The following RPTOR variants were observed in gnomAD, a reference collection of about 807,000 sequenced individuals.
RPTOR encodes the protein regulatory associated protein of MTOR complex 1, also known as regulatory-associated protein of mTOR.
In RPTOR, 21 loss-of-function variants were observed where a neutral mutation model predicts 169.9. The observed-to-expected ratio is 0.12, with a 90% CI of 0.09 to 0.18. The LOEUF (loss-of-function observed/expected upper bound fraction) is 0.18. RPTOR is among the 10% of genes least tolerant of loss of function. The probability of loss-of-function intolerance (pLI) is 1.00; values close to 1 mark genes in which losing one functional copy is unlikely to be tolerated. For synonymous variants in RPTOR, 732 were observed against 753.2 expected (o/e 0.97, Z 0.46); for missense variants, 1,133 against 1,855.9 (o/e 0.61, Z 7.16).
chr17:80,631,525 A>C (rs2065442286), intron 2 of RPTOR, among the ~76,000 whole-genome samples: 1 of 152,004 alleles, frequency 6.6e-6, no homozygotes, highest in Admixed American at 6.5e-5. Flanking sequence ...TTTCTCGGAG[A>C]GGACGGGCCT....
At chr17:80,751,697 A>G (rs961933725) in intron 5 of RPTOR, among the ~76,000 whole-genome samples, 2 of 152,234 alleles carry the variant, frequency 1.3e-5, no homozygotes, top group Non-Finnish European at 2.9e-5. Flanking sequence ...GGCCTGCCAC[A>G]GTCTGAGTAA....
intron 1 of RPTOR, among the ~76,000 whole-genome samples, chr17:80,591,755 G>A (rs1239122410): frequency 6.6e-6 from 1 of 152,204 alleles, no homozygotes; most frequent in Admixed American, 6.5e-5. Flanking sequence ...ATAAAGCACA[G>A]AAGTGTGTGC....
intron 1 of RPTOR, among the ~76,000 whole-genome samples, chr17:80,555,535 C>T (rs1195620627): frequency 2.0e-5 from 3 of 152,170 alleles, no homozygotes; most frequent in African/African-American, 7.2e-5. Flanking sequence ...GGACAGCTCA[C>T]GGGAAGTGTC....
At chr17:80,864,094 G>C (rs757113255) in intron 13 of RPTOR, among the ~76,000 whole-genome samples, 1 of 152,208 alleles carries the variant, frequency 6.6e-6, no homozygotes, top group Non-Finnish European at 1.5e-5. Flanking sequence ...AGAAACAATA[G>C]CTAACATTTT....
intron 1 of RPTOR, among the ~76,000 whole-genome samples, chr17:80,578,477 C>T (rs939342994): frequency 6.6e-6 from 1 of 152,164 alleles, no homozygotes; most frequent in Non-Finnish European, 1.5e-5. Flanking sequence ...GGCTGCTTTC[C>T]GTGGGCTCTG....
At chr17:80,882,221 G>A (rs2068193457) in intron 14 of RPTOR, among the ~76,000 whole-genome samples, 1 of 152,244 alleles carries the variant, frequency 6.6e-6, no homozygotes, top group Non-Finnish European at 1.5e-5. Flanking sequence ...AGAATGAGAG[G>A]AGAATAAGTA....
At position 80,646,088 on chromosome 17, in the gene RPTOR, G is replaced by A. The variant is rs1454987216; in HGVS notation, c.348+2278G>A. Among the ~76,000 whole-genome samples, 1 of 152,190 alleles carries A rather than the reference G, an allele frequency of 6.6e-6. No homozygotes were observed. The highest frequency in any genetic ancestry group is 2.1e-4 in the South Asian group (1 of 4,832). The stretch of plus-strand genomic sequence containing the variant: ...GGGCTGGTTTATAAAGTGGAATCTG[G>A]AATAAAGTATCCGCTGCAGCCTAGA... On this transcript the variant is annotated intron_variant, in intron 3 of 33. Transcript: ENST00000306801. This position sits in a 1 kb window ranked among gnomAD's most constrained non-coding sequence, Gnocchi z 5.0.
intron 10 of RPTOR, 120 bp from the exon 11 acceptor site, chr17:80,846,353 G>A (rs888337821): frequency 1.4e-5 from 13 of 932,160 alleles, no homozygotes; most frequent in African/African-American, 6.5e-5. Context: ...TGGCATCCTC[G>A]CGGCCCTGCA....
chr17:80,911,989 T>C (rs2068618440), intron 21 of RPTOR, among the ~76,000 whole-genome samples: 1 of 152,104 alleles, frequency 6.6e-6, no homozygotes, highest in South Asian at 2.1e-4. Flanking sequence ...CTCTGGAGGA[T>C]TGGGACTGAA....
At chr17:80,772,836 A>G (rs1002021610) in intron 6 of RPTOR, among the ~76,000 whole-genome samples, 5 of 152,128 alleles carry the variant, frequency 3.3e-5, no homozygotes, top group Non-Finnish European at 7.4e-5. Flanking sequence ...TAGTTCCATT[A>G]TCCTCATCGT....
chr17:80,801,763 T>G (rs2067160279), intron 7 of RPTOR: 2 of 152,144 alleles, frequency 1.3e-5, no homozygotes. Flanking sequence ...TAGACGCTGA[T>G]TTAGAAATGA....
intron 3 of RPTOR, among the ~76,000 whole-genome samples, chr17:80,688,675 A>G (rs905375583): frequency 6.6e-6 from 1 of 152,222 alleles, no homozygotes; most frequent in African/African-American, 2.4e-5. Context: ...CTCCGGTGCT[A>G]TGCGGGCTGG....
At chr17:80,942,081 C>T (rs528514280) in intron 25 of RPTOR, 49 of 152,284 alleles carry the variant, frequency 3.2e-4, no homozygotes, top group Middle Eastern at 3.4e-3. Flanking sequence ...CGGCGGCCGC[C>T]GCTGAACCTT....
At chr17:80,605,816 G>A (rs368637945) in intron 1 of RPTOR, among the ~76,000 whole-genome samples, 1 of 152,206 alleles carries the variant, frequency 6.6e-6, no homozygotes, top group South Asian at 2.1e-4. Flanking sequence ...CGGACTAGCT[G>A]TGCAGTAAGA....
chr17:80,773,676 C>T (rs193131692), intron 6 of RPTOR: 1 of 507,976 alleles, frequency 2.0e-6, no homozygotes, highest in African/African-American at 2.1e-5. Context: ...TGGCTGGCTC[C>T]TAGATGTTAT....
chr17:80,732,546 A>T (rs535585995), intron 5 of RPTOR, among the ~76,000 whole-genome samples: 1 of 152,256 alleles, frequency 6.6e-6, no homozygotes, highest in Non-Finnish European at 1.5e-5. Context: ...GAAAGAGATC[A>T]GATGAAAAAT....
rs944885451 is a variant in RPTOR at position 80,803,965 on chromosome 17, T to A, written c.890+12456T>A. Among the ~76,000 whole-genome samples the A allele has an allele frequency of 2.0e-5, 3 of 152,194 alleles. No individual in the cohort carries two copies. The highest frequency in any genetic ancestry group is 7.2e-5 in the African/African-American group (3 of 41,444). On this transcript the variant is annotated intron_variant, in intron 7 of 33. Coordinates refer to ENST00000306801, the MANE Select transcript of RPTOR (RefSeq NM_020761.3). This position sits in a 1 kb window ranked among gnomAD's most constrained non-coding sequence, Gnocchi z 6.2. ...CACAGCCTCTGAGCCAGGCACGAGCTTGGGCTGTGTGGCAAGGGCCTTCTT... is the reference window on the plus strand; with the variant it reads ...CACAGCCTCTGAGCCAGGCACGAGCATGGGCTGTGTGGCAAGGGCCTTCTT...
At chr17:80,576,953 C>A (rs888162926) in intron 1 of RPTOR, among the ~76,000 whole-genome samples, 1 of 152,172 alleles carries the variant, frequency 6.6e-6, no homozygotes, top group African/African-American at 2.4e-5. Flanking sequence ...ATCCACATAC[C>A]TTGGCCTCCC....
chr17:80,755,769 AAG>A (rs2066674817), intron 6 of RPTOR, among the ~76,000 whole-genome samples: 1 of 151,624 alleles, frequency 6.6e-6, no homozygotes, highest in Non-Finnish European at 1.5e-5. Flanking sequence ...GAAACAAAAA[AAG>A]AGGGGAGAGG....
Sources: allele counts gnomAD v4.1 joint callset (sites outside exome capture counted in the v4.1 genomes callset), GRCh38; gene constraint gnomAD v4.1.1; non-coding constraint Gnocchi (gnomAD v3.1); transcripts MANE v1.5; gene names NCBI Gene and HGNC (gene_info 2026-07-23, HGNC 2026-07-21).